The following LONRF1 variants were observed in gnomAD, a reference collection of about 807,000 sequenced individuals.
LONRF1 encodes LON peptidase N-terminal domain and RING finger protein 1.
LONRF1 carries 37 observed loss-of-function variants against 85.8 expected under a neutral mutation model. That is an observed-to-expected ratio of 0.43 (90% CI 0.33 to 0.57). The LOEUF (loss-of-function observed/expected upper bound fraction) is 0.57. Ranked by LOEUF, LONRF1 falls within the 20% of genes least tolerant of loss-of-function variation. LONRF1 has a pLI of 0.04. For synonymous variants in LONRF1, 517 were observed against 390.1 expected (o/e 1.33, Z -3.83); for missense variants, 1,036 against 978.0 (o/e 1.06, Z -0.79).
chr8:12,725,631 G>C, intron 11 of LONRF1, 96 bp downstream of exon 11: 1 of 1,260,652 alleles, frequency 7.9e-7, no homozygotes, highest in Non-Finnish European at 1.1e-6. Flanking sequence ...CAAAGAAAAA[G>C]TAGTGCAGAA....
chr8:12,753,683 GAAC>G (rs1229182688), intron 1 of LONRF1: 1 of 152,292 alleles, frequency 6.6e-6, no homozygotes, highest in African/African-American at 2.4e-5. Flanking sequence ...GATTTATATA[GAAC>G]AACTCTTCCT....
At chr8:12,732,153 T>G (rs181788765) in intron 7 of LONRF1, among the ~76,000 whole-genome samples, 120 of 152,322 alleles carry the variant, frequency 7.9e-4, no homozygotes, top group African/African-American at 2.8e-3. Flanking sequence ...CCTGCCGTCT[T>G]CCACAACAGA....
rs563303863 is a variant in LONRF1 at position 12,747,176 on chromosome 8, A to C, written c.722-3894T>G. 1.3e-4 allele frequency among the ~76,000 whole-genome samples: 20 copies of C among 152,322 alleles called. No homozygotes were observed. In the South Asian group the frequency reaches 3.9e-3, roughly 30 times the overall value. On this transcript the variant is annotated intron_variant, in intron 1 of 11. Transcript: ENST00000398246. ...ACCCAGTATTATTTGTAAGTCATTC[A>C]GCAAGGAAAAAGATTTAAATAAGAC...
rs749928794 is a variant in LONRF1, at chr8:12,738,060, T to C, written c.1048A>G (p.Arg350Gly). Residue 350 changes from arginine (R) to glycine (G), a missense_variant, in exon 4 of 12, where the codon AGA becomes GGA. Around this residue, in one of 3 missense-constraint regions of LONRF1, gnomAD observed 742 missense variants for 614.4 expected, o/e 1.21. Coordinates refer to ENST00000398246, the MANE Select transcript of LONRF1 (RefSeq NM_152271.5). ...SWSSLPCTKN[R>G]PFDFHSVMEE... ...ATCACTGAATGAAAATCAAAAGGTC[T>C]GTTTTTAGTACATGGTAATGAACTC... is the stretch of plus-strand genomic sequence containing the variant. 1.4e-5 allele frequency: 23 copies of C among 1,610,650 alleles called. No homozygotes were observed. The South Asian group carries it at 2.3e-4, about 16-fold the overall frequency.
chr8:12,729,526 A>G, intron 8 of LONRF1, 194 bp from the exon 9 acceptor site: 1 of 523,498 alleles, frequency 1.9e-6, no homozygotes, highest in African/African-American at 1.9e-5. Context: ...CACTGATGAA[A>G]TATTAATACT....
intron 1 of LONRF1, among the ~76,000 whole-genome samples, chr8:12,749,871 G>C (rs1453679785): frequency 1.3e-5 from 2 of 152,004 alleles, no homozygotes; most frequent in African/African-American, 4.8e-5. Context: ...AATTACAAAA[G>C]AAACAAAAAA....
chr8:12,745,074 G>A (rs1377371366), intron 1 of LONRF1, among the ~76,000 whole-genome samples: 1 of 151,774 alleles, frequency 6.6e-6, no homozygotes, highest in Admixed American at 6.6e-5. Context: ...ACTATAAAAT[G>A]TATCCACTCT....
Position 12,743,271 on chromosome 8 carries a change from A to T in LONRF1, c.733T>A (p.Leu245Met), listed in dbSNP as rs770924748. 4.1e-5 allele frequency: 64 copies of T among 1,580,220 alleles called. No homozygotes were observed. The Admixed American group carries it at 8.9e-4, about 22-fold the overall frequency. Reference sequence around the variant, plus strand: ...TCCGCTCTGTAAATTTTTACAATCAAGTCACTGGGTTCTGAAATAAATATT... The same window carrying T: ...TCCGCTCTGTAAATTTTTACAATCATGTCACTGGGTTCTGAAATAAATATT... Reference protein sequence around the residue: ...CEALRAEPSDLIVKIYRAESY... With the variant: ...CEALRAEPSDMIVKIYRAESY... Residue 245 changes from leucine to methionine, a missense_variant, in exon 2 of 12, where the codon TTG (leucine) becomes ATG (methionine). Coordinates refer to ENST00000398246, the MANE Select transcript of LONRF1 (RefSeq NM_152271.5).
chr8:12,742,964 A>G (rs1048940524), intron 2 of LONRF1, among the ~76,000 whole-genome samples, 200 bp downstream of exon 2: 2 of 152,138 alleles, frequency 1.3e-5, no homozygotes, highest in African/African-American at 4.8e-5. Flanking sequence ...GGGCTCAAGC[A>G]ATCCGTCCAA....
intron 11 of LONRF1, among the ~76,000 whole-genome samples, chr8:12,724,608 C>G (rs191868017): frequency 7.7e-4 from 117 of 152,254 alleles, no homozygotes; most frequent in African/African-American, 2.7e-3. Context: ...CACAACACTG[C>G]TAACAGAAAG....
intron 1 of LONRF1, among the ~76,000 whole-genome samples, chr8:12,746,653 C>T (rs1799166440): frequency 6.6e-6 from 1 of 152,154 alleles, no homozygotes; most frequent in African/African-American, 2.4e-5. Flanking sequence ...TTATTAACAC[C>T]ACTATGTGCT....
intron 1 of LONRF1, among the ~76,000 whole-genome samples, chr8:12,748,709 G>A (rs571787812): frequency 6.6e-6 from 1 of 151,834 alleles, no homozygotes; most frequent in East Asian, 1.9e-4. Context: ...TGTGTATAAA[G>A]TTCTCTATTC....
At chr8:12,753,940 T>C (rs1799517181) in intron 1 of LONRF1, 3 of 152,270 alleles carry the variant, frequency 2.0e-5, no homozygotes, top group Admixed American at 6.5e-5. Context: ...GCAAAGTACA[T>C]AGGAAATAAG....
chr8:12,754,927 G>A lies in LONRF1; in HGVS notation c.494C>T (p.Ala165Val), dbSNP rs1198158424. Residue 165 changes from alanine to valine, a missense_variant, in exon 1 of 12, where the codon GCC (alanine) becomes GTC (valine). Coordinates refer to ENST00000398246, the MANE Select transcript of LONRF1 (RefSeq NM_152271.5). Reference protein sequence around the residue: ...CRLCRDRLPPATASATDAEGT... With the variant: ...CRLCRDRLPPVTASATDAEGT... ...TTCAGCATCAGTGGCACTGGCGGTG[G>A]CGGGCGGCAGCCGGTCCCGGCAGAG... 8 of 1,489,914 alleles carry A rather than the reference G, an allele frequency of 5.4e-6. No homozygotes were observed. The highest frequency in any genetic ancestry group is 7.1e-6 in the Non-Finnish European group (8 of 1,124,260). 92.3% of individuals were successfully genotyped at this position (1,489,914 alleles called of 1,614,324 possible).
rs777861494 is a variant in LONRF1, at chr8:12,738,105, C to T, written c.1003G>A (p.Gly335Ser). 3 of 1,599,304 alleles carry T rather than the reference C, an allele frequency of 1.9e-6. No individual in the cohort carries two copies. Among genetic ancestry groups the T allele is most frequent in the Admixed American group, 1.7e-5 (1 of 58,830 alleles). Reference protein sequence around the residue: ...DLLLPENLKEGLKESSWSSLP... With the variant: ...DLLLPENLKESLKESSWSSLP... ...GAACTCCAGGAAGATTCCTTCAGGC[C>T]TTCTTTTAAGTTTTCAGGTAATAAT... The change falls in exon 4 of 12, where the codon GGC becomes AGC. Residue 335 changes from glycine (G) to serine (S), a missense_variant. Gly to Ser is a moderately conservative substitution (Grantham distance 56). This residue lies in a region of LONRF1 where 742 missense variants were observed against 614.4 expected (regional missense o/e 1.21). Transcript: ENST00000398246.
chr8:12,739,011 A>T (rs1458142710), intron 3 of LONRF1, among the ~76,000 whole-genome samples: 2 of 152,166 alleles, frequency 1.3e-5, no homozygotes, highest in African/African-American at 4.8e-5. Context: ...TAGGTGCTCA[A>T]ATACTCCATT....
At chr8:12,754,569 G>C in intron 1 of LONRF1, 131 bp downstream of exon 1, 1 of 969,196 alleles carries the variant, frequency 1.0e-6, no homozygotes, top group East Asian at 4.6e-5. Context: ...CCCGAGACCC[G>C]ACACGCCAGC....
chr8:12,733,545 T>C (rs1798607464), intron 7 of LONRF1, among the ~76,000 whole-genome samples: 1 of 152,202 alleles, frequency 6.6e-6, no homozygotes, highest in Non-Finnish European at 1.5e-5. Flanking sequence ...CACCCACTAC[T>C]GAGTAGAGGA....
rs901769364 is a variant in LONRF1, at chr8:12,755,256, C to T, written c.165G>A (p.Gly55=). ...GGTGGCCGCCCAGCGCCAGCAGCTC[C>T]CCGCGGCGGAGCAGCAGCTCCCAGC... is the stretch of plus-strand genomic sequence containing the variant. ...SERWELLLRR[G]ELLALGGHLK... The change falls in exon 1 of 12, where the codon GGG becomes GGA. Residue 55 remains glycine, a synonymous_variant. Transcript: ENST00000398246. 3 of 1,234,758 alleles carry T rather than the reference C, an allele frequency of 2.4e-6. No individual in the cohort carries two copies. Among genetic ancestry groups the T allele is most frequent in the African/African-American group, 3.2e-5 (2 of 63,432 alleles). The allele number at this position is 1,234,758 out of a possible 1,614,324, so 76.5% of individuals were successfully genotyped here.
Sources: allele counts gnomAD v4.1 joint callset (sites outside exome capture counted in the v4.1 genomes callset), GRCh38; gene constraint gnomAD v4.1.1; regional missense constraint gnomAD v4.1.1; transcripts MANE v1.5; gene names NCBI Gene and HGNC (gene_info 2026-07-23, HGNC 2026-07-21).